The following CYP27B1 variants were observed in gnomAD, a reference collection of about 807,000 sequenced individuals.
The protein encoded by CYP27B1 is cytochrome P450 family 27 subfamily B member 1.
Under a neutral mutation model 54.8 loss-of-function variants are expected in CYP27B1, and 46 were observed. The ratio of observed to expected loss-of-function variants is 0.84; its 90% CI spans 0.66 to 1.07. CYP27B1 has a LOEUF of 1.07. Among genes scored for constraint, CYP27B1 ranks in the 50% least tolerant of loss-of-function variants. The probability of loss-of-function intolerance (pLI) is 0.00; values close to 1 mark genes in which losing one functional copy is unlikely to be tolerated. For missense variants in CYP27B1, 674 were observed against 692.2 expected, an observed-to-expected ratio of 0.97 and a Z score of 0.30; for synonymous variants, 292 against 297.3, an observed-to-expected ratio of 0.98 and a Z score of 0.18.
Position 57,765,430 on chromosome 12 carries a change from G to GCC in CYP27B1, c.455_456insGG (p.Arg153AlafsTer7). The GCC allele has an allele frequency of 6.2e-7, 1 of 1,612,966 alleles. No individual in the cohort carries two copies. The highest frequency in any genetic ancestry group is 8.5e-7 in the Non-Finnish European group (1 of 1,179,584). ...CGTTGTTCAGGGTTCCGGCGTAGCG[G>GCC]GCGGCCGCTTGAGGCCGGAGGAGGA... On this transcript the variant is annotated frameshift_variant, in exon 3 of 9. Transcript: ENST00000228606. LOFTEE classifies it high-confidence loss of function. This position sits in a 1 kb window ranked among gnomAD's most constrained non-coding sequence, Gnocchi z 5.8.
chr12:57,762,826 A>G lies in CYP27B1; in HGVS notation c.*316T>C, dbSNP rs996628114. ...TCAATGAACACTATGAAAGCCCAAA[A>G]AGAGAGGCAGTTGAATCTTTCCTCA... On this transcript the variant is annotated 3_prime_UTR_variant, in exon 9 of 9. Transcript: ENST00000228606. The G allele has an allele frequency of 2.6e-6, 1 of 377,910 alleles. No individual in the cohort carries two copies. Among genetic ancestry groups the G allele is most frequent in the Non-Finnish European group, 5.1e-6 (1 of 196,050 alleles). 23.4% of individuals were successfully genotyped at this position (377,910 alleles called of 1,614,324 possible).
At chr12:57,763,306 G>T (rs756066635) in intron 8 of CYP27B1, 51 bp from the exon 9 acceptor site, 1 of 1,331,928 alleles carries the variant, frequency 7.5e-7, no homozygotes, top group East Asian at 2.3e-5. Flanking sequence ...TATAATGGGG[G>T]GATTCATTGG....
rs946039130 is a variant in CYP27B1, at chr12:57,763,547, C to G, written c.1413+64G>C. The G allele has an allele frequency of 2.1e-6, 3 of 1,411,536 alleles. No individual in the cohort carries two copies. In the African/African-American group the frequency reaches 4.2e-5, roughly 20 times the overall value. The allele number at this position is 1,411,536 out of a possible 1,614,324, so 87.4% of individuals were successfully genotyped here. A position where few individuals can be genotyped will look rare whatever the true frequency, so the allele number is the denominator to read the frequency against. On this transcript the variant is annotated intron_variant, in intron 8 of 8. Coordinates refer to ENST00000228606, the MANE Select transcript of CYP27B1 (RefSeq NM_000785.4). ...TTCCTATGCTTGTCAGGGGAAAGAG[C>G]TCACAACTTTAGAGGGTTAGGGTCT... is the stretch of plus-strand genomic sequence containing the variant.
chr12:57,763,340 C>A, intron 8 of CYP27B1, 85 bp from the exon 9 acceptor site: 2 of 1,051,784 alleles, frequency 1.9e-6, no homozygotes, highest in South Asian at 1.3e-5. Flanking sequence ...AAAGGGCATG[C>A]ATTATTAGTG....
chr12:57,766,201 G>C lies in CYP27B1; in HGVS notation c.196-4C>G, dbSNP rs762847002. 5 of 1,533,390 alleles carry C rather than the reference G, an allele frequency of 3.3e-6. No individual in the cohort carries two copies. In the East Asian group the frequency reaches 7.4e-5, roughly 23 times the overall value. 95.0% of individuals were successfully genotyped at this position (1,533,390 alleles called of 1,614,324 possible). ...CGAAGTGCGCGGCGCCCTGCACCTG[G>C]GGGAGCGGACACAGCGGACACTTGG... On this transcript the variant is annotated splice_region_variant and splice_polypyrimidine_tract_variant and intron_variant, in intron 1 of 8. Transcript: ENST00000228606.
chr12:57,764,019 G>A (rs79741632), intron 7 of CYP27B1, 79 bp downstream of exon 7: 1 of 1,269,634 alleles, frequency 7.9e-7, no homozygotes, highest in Non-Finnish European at 1.2e-6. Flanking sequence ...AGGGCTTTTA[G>A]GAGAGTGTTT....
intron 1 of CYP27B1, 33 bp from the exon 2 acceptor site, chr12:57,766,230 C>A: frequency 6.6e-7 from 1 of 1,506,596 alleles, no homozygotes; most frequent in Non-Finnish European, 8.9e-7. Flanking sequence ...CACTTGGATA[C>A]CTGGGCGGGG....
At chr12:57,766,322 A>G in intron 1 of CYP27B1, 125 bp from the exon 2 acceptor site, 1 of 1,305,384 alleles carries the variant, frequency 7.7e-7, no homozygotes, top group South Asian at 1.7e-5. Flanking sequence ...TCGGGTGCCC[A>G]ACTAGTGTAT....
At position 57,763,114 on chromosome 12, in the gene CYP27B1, G is replaced by A. The variant is rs1955331578; in HGVS notation, c.*28C>T. On this transcript the variant is annotated 3_prime_UTR_variant, in exon 9 of 9. Transcript: ENST00000228606. ...TCTTATCCCTATGATGAATGAAAGG[G>A]TGATGATGACAGTCTCTTTCCATGG... is the stretch of plus-strand genomic sequence containing the variant. 2.7e-6 allele frequency: 4 copies of A among 1,475,122 alleles called. No homozygotes were observed. The highest frequency in any genetic ancestry group is 3.8e-6 in the Non-Finnish European group (4 of 1,054,028). 91.4% of individuals were successfully genotyped at this position (1,475,122 alleles called of 1,614,324 possible).
At chr12:57,763,334 G>A in intron 8 of CYP27B1, 79 bp from the exon 9 acceptor site, 1 of 1,098,594 alleles carries the variant, frequency 9.1e-7, no homozygotes, top group Non-Finnish European at 1.4e-6. Context: ...ATTGGTAAAG[G>A]GCATGCATTA....
Position 57,763,530 on chromosome 12 carries a change from C to T in CYP27B1, c.1413+81G>A, listed in dbSNP as rs917356087. On this transcript the variant is annotated intron_variant, in intron 8 of 8. Transcript: ENST00000228606. Reference sequence around the variant, plus strand: ...ACCAGGTCTTATATGATTTCCTATGCTTGTCAGGGGAAAGAGCTCACAACT... The same window carrying T: ...ACCAGGTCTTATATGATTTCCTATGTTTGTCAGGGGAAAGAGCTCACAACT... The T allele has an allele frequency of 4.0e-6, 5 of 1,255,086 alleles. No individual in the cohort carries two copies. The East Asian group carries it at 6.9e-5, about 17-fold the overall frequency. 77.7% of individuals were successfully genotyped at this position (1,255,086 alleles called of 1,614,324 possible).
At position 57,763,065 on chromosome 12, in the gene CYP27B1, C is replaced by T. The variant is rs8176350; in HGVS notation, c.*77G>A. The stretch of plus-strand genomic sequence containing the variant: ...GATAGGCATTAGGGGAAGATGTATA[C>T]CTTGGTCTTGTGCCTACAAAAAATC... On this transcript the variant is annotated 3_prime_UTR_variant, in exon 9 of 9. Transcript: ENST00000228606. 6.3e-3 allele frequency: 6,386 copies of T among 1,017,624 alleles called. 201 individuals carry two copies. The highest frequency in any genetic ancestry group is 0.06 in the South Asian group (4,459 of 74,074). 63.0% of individuals were successfully genotyped at this position (1,017,624 alleles called of 1,614,324 possible).
In CYP27B1 at chr12:57,762,935, C is replaced by T. The variant is rs1399256292; in HGVS notation, c.*207G>A. 1 of 580,030 alleles carries T rather than the reference C, an allele frequency of 1.7e-6. No homozygotes were observed. Among genetic ancestry groups the T allele is most frequent in the African/African-American group, 1.8e-5 (1 of 54,248 alleles). The allele number at this position is 580,030 out of a possible 1,614,324, so 35.9% of individuals were successfully genotyped here. A position where few individuals can be genotyped will look rare whatever the true frequency, so the allele number is the denominator to read the frequency against. On this transcript the variant is annotated 3_prime_UTR_variant, in exon 9 of 9. Coordinates refer to ENST00000228606, the MANE Select transcript of CYP27B1 (RefSeq NM_000785.4). ...CAGAAGGGCCAAGCAAGCAGAGAGACCATGGTTTTCTCACCTGGCTTCCTG... is the reference window on the plus strand; with the variant it reads ...CAGAAGGGCCAAGCAAGCAGAGAGATCATGGTTTTCTCACCTGGCTTCCTG...
In CYP27B1 at chr12:57,763,258, G is replaced by A. The variant is rs766037385; in HGVS notation, c.1414-3C>T. 1.9e-6 allele frequency: 3 copies of A among 1,607,166 alleles called. No individual in the cohort carries two copies. The highest frequency in any genetic ancestry group is 2.6e-6 in the Non-Finnish European group (3 of 1,173,948). On this transcript the variant is annotated splice_polypyrimidine_tract_variant and splice_region_variant and intron_variant, in intron 8 of 8. Coordinates refer to ENST00000228606, the MANE Select transcript of CYP27B1 (RefSeq NM_000785.4). ...TGCACCTCAAAATGTGTTAGGATCT[G>A]GAAAGGGAAGAAGGTGAGCATTACT... is the stretch of plus-strand genomic sequence containing the variant.
Position 57,766,882 on chromosome 12 carries a change from A to G in CYP27B1, c.160T>C (p.Cys54Arg). The part of the protein sequence containing the change: ...STPSFLAELF[C>R]KGGLSRLHEL... Reference sequence around the variant, plus strand: ...TGTAGCCTCGACAGCCCCCCCTTGCAGAAAAGTTCGGCCAGAAAGCTGGGC... The same window carrying G: ...TGTAGCCTCGACAGCCCCCCCTTGCGGAAAAGTTCGGCCAGAAAGCTGGGC... Residue 54 changes from cysteine (C) to arginine (R), a missense_variant, in exon 1 of 9, where the codon TGC (cysteine) becomes CGC (arginine). Physicochemically the swap from Cys to Arg is radical, Grantham distance 180 (BLOSUM62 -3). Transcript: ENST00000228606. 1 of 1,614,156 alleles carries G rather than the reference A, an allele frequency of 6.2e-7. No homozygotes were observed. The highest frequency in any genetic ancestry group is 2.2e-5 in the East Asian group (1 of 44,880).
rs566560822 is a variant in CYP27B1 at position 57,766,728 on chromosome 12, T to C, written c.195+119A>G. ...CAGCCTCAACTCGCCTTTTCCTTAT[T>C]TCATGGGCATCCGTTCTCTCTGGCT... is the stretch of plus-strand genomic sequence containing the variant. On this transcript the variant is annotated intron_variant, in intron 1 of 8. Coordinates refer to ENST00000228606, the MANE Select transcript of CYP27B1 (RefSeq NM_000785.4). 790 of 1,138,318 alleles carry C rather than the reference T, an allele frequency of 6.9e-4. 8 individuals carry two copies. The South Asian group carries it at 1.0e-2, about 14-fold the overall frequency. 70.5% of individuals were successfully genotyped at this position (1,138,318 alleles called of 1,614,324 possible). A position where few individuals can be genotyped will look rare whatever the true frequency, so the allele number is the denominator to read the frequency against.
intron 1 of CYP27B1, 83 bp downstream of exon 1, chr12:57,766,764 T>C: frequency 7.0e-7 from 1 of 1,429,128 alleles, no homozygotes. Context: ...GTCCCACATT[T>C]GCTCTGCACT....
In CYP27B1 at chr12:57,763,218, G is replaced by A. The variant is rs759915706; in HGVS notation, c.1451C>T (p.Ala484Val). The A allele has an allele frequency of 6.2e-6, 10 of 1,613,954 alleles. 1 individual carries two copies. The highest frequency in any genetic ancestry group is 5.5e-5 in the South Asian group (5 of 91,072). ...THFEVQPEPG[A>V]APVRPKTRTV... Reference sequence around the variant, plus strand: ...CCGGGTCTTGGGTCTAACTGGGGCCGCACCTGGCTCAGGCTGCACCTCAAA... The same window carrying A: ...CCGGGTCTTGGGTCTAACTGGGGCCACACCTGGCTCAGGCTGCACCTCAAA... The change falls in exon 9 of 9, where the codon GCG (alanine) becomes GTG (valine). Residue 484 changes from alanine to valine, a missense_variant. Coordinates refer to ENST00000228606, the MANE Select transcript of CYP27B1 (RefSeq NM_000785.4).
chr12:57,766,826 G>A lies in CYP27B1; in HGVS notation c.195+21C>T, dbSNP rs367888907. On this transcript the variant is annotated intron_variant, in intron 1 of 8. Coordinates refer to ENST00000228606, the MANE Select transcript of CYP27B1 (RefSeq NM_000785.4). ...ACCAGTTTCCCCAGCACTCTGTCTCGGGAAAGGCGTCCCTTCCTACCTGCA... is the reference window on the plus strand; with the variant it reads ...ACCAGTTTCCCCAGCACTCTGTCTCAGGAAAGGCGTCCCTTCCTACCTGCA... 7 of 1,613,338 alleles carry A rather than the reference G, an allele frequency of 4.3e-6. No homozygotes were observed. The African/African-American group carries it at 5.3e-5, about 12-fold the overall frequency.
Sources: gnomAD v4.1 joint callset for allele counts on GRCh38, gnomAD v4.1.1 for gene constraint, Gnocchi (gnomAD v3.1) non-coding constraint, MANE v1.5 for transcripts, NCBI Gene and HGNC (gene_info 2026-07-23, HGNC 2026-07-21) for gene names.